The following DAB1 variants were observed in gnomAD, a reference collection of about 807,000 sequenced individuals.
DAB1 encodes the protein DAB adaptor protein 1.
Under a neutral mutation model 64.6 loss-of-function variants are expected in DAB1, and 15 were observed. The observed-to-expected ratio is 0.23, with a 90% CI of 0.16 to 0.36. The LOEUF is 0.36. Among genes scored for constraint, DAB1 ranks in the 10% least tolerant of loss-of-function variants. DAB1 has a pLI of 1.00. For synonymous variants in DAB1, 235 were observed against 251.9 expected (o/e 0.93, Z 0.64); for missense variants, 596 against 706.7 (o/e 0.84, Z 1.78).
At position 58,319,392 on chromosome 1, in the gene DAB1, C is replaced by A. The variant is rs147847272; in HGVS notation, n.309+23960G>T. ...CTACAAATAACAAACCAAACTTGAA[C>A]TAGCTTTAAAAGGAGAGGTTTTTAT... On this transcript the variant is annotated intron_variant and non_coding_transcript_variant, in intron 4 of 20. Coordinates refer to the DAB1 transcript ENST00000485760. 3.3e-3 allele frequency among the ~76,000 whole-genome samples: 505 copies of A among 152,296 alleles called. 3 individuals are homozygous for A. The highest frequency in any genetic ancestry group is 6.1e-3 in the Non-Finnish European group (417 of 68,030).
At chr1:58,407,349 T>A (rs1421810406) in intron 3 of DAB1, among the ~76,000 whole-genome samples, 4 of 152,196 alleles carry the variant, frequency 2.6e-5, no homozygotes. Context: ...GGGGACTTGG[T>A]CTGTGTTGTT....
intron 2 of DAB1, among the ~76,000 whole-genome samples, chr1:57,284,273 G>A (rs1453584648): frequency 3.9e-5 from 6 of 152,162 alleles, no homozygotes; most frequent in East Asian, 1.9e-4. Context: ...CCTCCCCTGC[G>A]CCACCCTCCC....
At chr1:58,110,951 T>A (rs1651934600) in intron 5 of DAB1, among the ~76,000 whole-genome samples, 1 of 152,218 alleles carries the variant, frequency 6.6e-6, no homozygotes, top group Non-Finnish European at 1.5e-5. Flanking sequence ...AACTCTCTTT[T>A]CTTCATTAGG....
chr1:57,728,593 CA>C (rs1034778043), intron 6 of DAB1, among the ~76,000 whole-genome samples: 1 of 145,274 alleles, frequency 6.9e-6, no homozygotes, highest in Non-Finnish European at 1.5e-5. Flanking sequence ...GACTCCGTCT[CA>C]AAAAAAAACA....
chr1:57,040,962 T>C (rs528528496), intron 9 of DAB1, among the ~76,000 whole-genome samples: 2 of 152,254 alleles, frequency 1.3e-5, no homozygotes, highest in South Asian at 2.1e-4. Context: ...GTGCCTCTCT[T>C]GGAGGGGTTA....
intron 6 of DAB1, among the ~76,000 whole-genome samples, chr1:57,659,289 C>A (rs1646356284): frequency 6.6e-6 from 1 of 152,172 alleles, no homozygotes; most frequent in African/African-American, 2.4e-5. Flanking sequence ...TTTATTATTT[C>A]ATTTGAGAGA....
At chr1:57,782,807 G>C (rs1486870918) in intron 6 of DAB1, among the ~76,000 whole-genome samples, 1 of 152,038 alleles carries the variant, frequency 6.6e-6, no homozygotes, top group Non-Finnish European at 1.5e-5. Flanking sequence ...GTGATAATTG[G>C]GTGCATGTAA....
At chr1:57,153,703 T>C (rs1219188256) in intron 2 of DAB1, among the ~76,000 whole-genome samples, 1 of 152,066 alleles carries the variant, frequency 6.6e-6, no homozygotes, top group Non-Finnish European at 1.5e-5. Context: ...AGTGGCGCAA[T>C]CTCGGCTCAC....
chr1:58,105,007 T>C (rs1651547888), intron 5 of DAB1, among the ~76,000 whole-genome samples: 1 of 152,198 alleles, frequency 6.6e-6, no homozygotes, highest in Middle Eastern at 3.2e-3. Context: ...TGTATTCCCA[T>C]CGCTATGTCT....
At chr1:57,418,108 A>G (rs1001119772) in intron 1 of DAB1, among the ~76,000 whole-genome samples, 1 of 152,152 alleles carries the variant, frequency 6.6e-6, no homozygotes, top group African/African-American at 2.4e-5. Context: ...GCATCTTGGT[A>G]CTCTTCACAA....
chr1:57,113,124 G>T (rs560690555), intron 4 of DAB1, among the ~76,000 whole-genome samples: 1 of 152,258 alleles, frequency 6.6e-6, no homozygotes, highest in Admixed American at 6.5e-5. Context: ...TCTGAGAATG[G>T]CCTGTTTCAT....
At chr1:57,163,744 G>C (rs1660975252) in intron 2 of DAB1, among the ~76,000 whole-genome samples, 1 of 152,104 alleles carries the variant, frequency 6.6e-6, no homozygotes, top group African/African-American at 2.4e-5. Context: ...GCTGGAGGAA[G>C]AGCAGAAAGG....
chr1:57,077,013 C>T (rs760751191), intron 4 of DAB1, among the ~76,000 whole-genome samples: 2 of 152,134 alleles, frequency 1.3e-5, no homozygotes, highest in Non-Finnish European at 2.9e-5. Flanking sequence ...AACTAGCAAT[C>T]ACAATATAAT....
intron 9 of DAB1, among the ~76,000 whole-genome samples, chr1:57,035,916 C>T (rs1297243124): frequency 7.6e-6 from 1 of 131,396 alleles, no homozygotes; most frequent in East Asian, 2.5e-4. Context: ...AATGTTGGCT[C>T]ACTGCAACCG....
chr1:58,475,408 T>C (rs1193255082), intron 3 of DAB1, among the ~76,000 whole-genome samples: 1 of 152,024 alleles, frequency 6.6e-6, no homozygotes, highest in Admixed American at 6.6e-5. Flanking sequence ...GTGATCTACC[T>C]GCCTCAGCCT....
chr1:57,513,009 T>G (rs1644422960), intron 7 of DAB1, among the ~76,000 whole-genome samples: 1 of 152,230 alleles, frequency 6.6e-6, no homozygotes, highest in Non-Finnish European at 1.5e-5. Context: ...TTTTCTGATT[T>G]GCTCCTGACA....
intron 6 of DAB1, among the ~76,000 whole-genome samples, chr1:57,683,093 T>C (rs968108512): frequency 6.6e-6 from 1 of 152,188 alleles, no homozygotes; most frequent in Non-Finnish European, 1.5e-5. Flanking sequence ...CACTGTAGCA[T>C]CCAGCTTAAG....
chr1:57,083,451 G>T (rs1212272937), intron 4 of DAB1, among the ~76,000 whole-genome samples: 2 of 152,164 alleles, frequency 1.3e-5, no homozygotes, highest in African/African-American at 4.8e-5. Context: ...TTAGCTCATG[G>T]TGTAAAATTA....
At chr1:57,828,360 C>T (rs1014395129) in intron 1 of DAB1, among the ~76,000 whole-genome samples, 3 of 152,208 alleles carry the variant, frequency 2.0e-5, no homozygotes, top group Non-Finnish European at 4.4e-5. Flanking sequence ...AAAACTCCTG[C>T]TTTTTCCACA....
Sources: gnomAD v4.1 joint callset for allele counts (sites outside exome capture counted in the v4.1 genomes callset) on GRCh38, gnomAD v4.1.1 for gene constraint, MANE v1.5 for transcripts, NCBI Gene and HGNC (gene_info 2026-07-23, HGNC 2026-07-21) for gene names.